The following DNAJB1 variants were observed in gnomAD, a reference collection of about 807,000 sequenced individuals.
DNAJB1 encodes DnaJ heat shock protein family (Hsp40) member B1, also known as dnaJ homolog subfamily B member 1.
In DNAJB1, 14 loss-of-function variants were observed where a neutral mutation model predicts 24.0. The ratio of observed to expected loss-of-function variants is 0.58; its 90% CI spans 0.39 to 0.91. DNAJB1 has a LOEUF of 0.91. Among genes scored for constraint, DNAJB1 ranks in the 40% least tolerant of loss-of-function variants. The pLI is 0.00. For synonymous variants in DNAJB1, 262 were observed against 174.4 expected (o/e 1.50, Z -3.96); for missense variants, 517 against 458.1 (o/e 1.13, Z -1.17).
At chr19:14,529,584 G>A (rs886959752), upstream of DNAJB1, 2 of 1,535,710 alleles carry the variant, frequency 1.3e-6, no homozygotes, top group Middle Eastern at 2.0e-4. Context: ...CGGGGCGGAC[G>A]CAGAGCCGCG....
upstream of DNAJB1, among the ~76,000 whole-genome samples, chr19:14,521,951 T>A (rs2146529325): frequency 6.6e-6 from 1 of 152,184 alleles, no homozygotes; most frequent in East Asian, 1.9e-4. Flanking sequence ...TTTTTTTTTT[T>A]AATCAGTTCT....
intron 1 of DNAJB1, among the ~76,000 whole-genome samples, chr19:14,538,452 G>A (rs2420532): frequency 0.02 from 2,979 of 152,224 alleles, 82 homozygotes; most frequent in African/African-American, 0.064. Context: ...CGTTAGGCAG[G>A]TAAGGACAGA....
intron 1 of DNAJB1, among the ~76,000 whole-genome samples, chr19:14,555,787 T>C (rs1437125160): frequency 6.6e-6 from 1 of 152,142 alleles, no homozygotes; most frequent in African/African-American, 2.4e-5. Flanking sequence ...AGCCTTGCTA[T>C]TTTGCCCAAG....
At chr19:14,528,093 A>G (rs1047545203) in intron 1 of DNAJB1, among the ~76,000 whole-genome samples, 1 of 151,842 alleles carries the variant, frequency 6.6e-6, no homozygotes, top group Non-Finnish European at 1.5e-5. Flanking sequence ...CACGTTGTCC[A>G]GGCTGGTCTT....
intron 1 of DNAJB1, 133 bp from the exon 2 acceptor site, chr19:14,517,179 C>T: frequency 1.2e-6 from 1 of 861,122 alleles, no homozygotes; most frequent in South Asian, 1.8e-5. Context: ...CAAGGAAGAA[C>T]CCCAAGTTTC....
chr19:14,540,723 T>C (rs1262605863), intron 1 of DNAJB1, among the ~76,000 whole-genome samples: 1 of 152,120 alleles, frequency 6.6e-6, no homozygotes, highest in East Asian at 1.9e-4. Context: ...GAGGCAAGGT[T>C]TCACCATGTT....
At chr19:14,539,687 T>G (rs2146570165) in intron 1 of DNAJB1, among the ~76,000 whole-genome samples, 1 of 152,208 alleles carries the variant, frequency 6.6e-6, no homozygotes, top group Admixed American at 6.5e-5. Context: ...GCACATGCTA[T>G]TCCCTCGGCC....
rs945885774 is a variant in DNAJB1, at chr19:14,537,861, T to A, written c.-213-10051A>T. Among the ~76,000 whole-genome samples, 47 of 151,026 alleles carry A rather than the reference T, an allele frequency of 3.1e-4. 1 individual carries two copies. The highest frequency in any genetic ancestry group is 1.1e-3 in the African/African-American group (45 of 41,202). ...CCCGGGTTCAGGCGATTCTCCTGCC[T>A]TAGTCTCCCGAGTAGCTGGGATTAC... On this transcript the variant is annotated intron_variant, in intron 1 of 3. Transcript: ENST00000676982.
intron 1 of DNAJB1, among the ~76,000 whole-genome samples, chr19:14,543,420 T>TATA (rs1491174243): frequency 1.8e-4 from 1 of 5,520 alleles, no homozygotes; most frequent in African/African-American, 5.0e-4. Context: ...TATATATATA[T>TATA]TTTTTTTTTT....
upstream of DNAJB1, among the ~76,000 whole-genome samples, chr19:14,520,237 G>T (rs1599383820): frequency 6.6e-6 from 1 of 152,254 alleles, no homozygotes; most frequent in Admixed American, 6.5e-5. Context: ...TTAGTGGTGG[G>T]CTCTTCAGCC....
intron 1 of DNAJB1, chr19:14,545,967 A>G (rs1446663186): frequency 6.6e-6 from 1 of 152,202 alleles, no homozygotes; most frequent in African/African-American, 2.4e-5. Context: ...TCTGGGCCAC[A>G]TAGAGCCCCC....
In DNAJB1 at chr19:14,515,710, G is replaced by A; in HGVS notation, c.*230C>T. 2.0e-6 allele frequency: 1 copy of A among 495,412 alleles called. No individual in the cohort carries two copies. Among genetic ancestry groups the A allele is most frequent in the Non-Finnish European group, 3.5e-6 (1 of 283,246 alleles). 30.7% of individuals were successfully genotyped at this position (495,412 alleles called of 1,614,324 possible). On this transcript the variant is annotated 3_prime_UTR_variant, in exon 3 of 3. Transcript: ENST00000254322. ...GCTGCCAGACCCAGTGGGGCAGACT[G>A]GAATGCCTTTTCCTGCTGTTCCCAC...
chr19:14,516,098 T>C lies in DNAJB1; in HGVS notation c.865A>G (p.Ile289Val). Residue 289 changes from isoleucine (I) to valine (V), a missense_variant, in exon 3 of 3, where the codon ATC (isoleucine) becomes GTC (valine). By Grantham distance (29) the Ile-to-Val change is conservative. Transcript: ENST00000254322. Reference protein sequence around the residue: ...RTIPVVFKDVIRPGMRRKVPG... With the variant: ...RTIPVVFKDVVRPGMRRKVPG... Reference sequence around the variant, plus strand: ...ACTTTTCGCCGCATGCCAGGCCTGATAACATCTTTGAATACGACGGGTATC... The same window carrying C: ...ACTTTTCGCCGCATGCCAGGCCTGACAACATCTTTGAATACGACGGGTATC... 6.2e-7 allele frequency: 1 copy of C among 1,613,842 alleles called. No homozygotes were observed. Among genetic ancestry groups the C allele is most frequent in the South Asian group, 1.1e-5 (1 of 91,068 alleles).
In DNAJB1 at chr19:14,544,312, G is replaced by A. The variant is rs118107174; in HGVS notation, c.-214+5896C>T. Among the ~76,000 whole-genome samples the A allele has an allele frequency of 8.6e-4, 131 of 152,188 alleles. 2 individuals are homozygous for A. The East Asian group carries it at 0.024, about 28-fold the overall frequency. ...TTGTGTAAGCCCCTGGCTCTCCCCT[G>A]TAACCCCTGGCCCTGGGGAGGGTCT... is the stretch of plus-strand genomic sequence containing the variant. On this transcript the variant is annotated intron_variant, in intron 1 of 3. Coordinates refer to the DNAJB1 transcript ENST00000676982.
chr19:14,550,712 G>C (rs890093375), upstream of DNAJB1, among the ~76,000 whole-genome samples: 4 of 152,116 alleles, frequency 2.6e-5, no homozygotes, highest in African/African-American at 7.2e-5. Flanking sequence ...ATGGAGTCTT[G>C]CTCTGTTGCA....
chr19:14,540,875 C>T (rs1282008651), intron 1 of DNAJB1, among the ~76,000 whole-genome samples: 3 of 152,102 alleles, frequency 2.0e-5, no homozygotes, highest in Non-Finnish European at 4.4e-5. Flanking sequence ...TTTGCTCTTG[C>T]CCAGGCTGGA....
chr19:14,545,566 G>A (rs777511492), intron 1 of DNAJB1, among the ~76,000 whole-genome samples: 1 of 152,172 alleles, frequency 6.6e-6, no homozygotes, highest in African/African-American at 2.4e-5. Flanking sequence ...CCCTTGGATC[G>A]CTGCCCGCAC....
chr19:14,529,668 C>T (rs781353464), upstream of DNAJB1: 84 of 1,613,634 alleles, frequency 5.2e-5, no homozygotes, highest in South Asian at 9.0e-4. Flanking sequence ...GCAGCAGCCG[C>T]GGAGCAGTAG....
At chr19:14,556,713 G>A (rs2073738639) in intron 1 of DNAJB1, among the ~76,000 whole-genome samples, 1 of 152,176 alleles carries the variant, frequency 6.6e-6, no homozygotes, top group African/African-American at 2.4e-5. Flanking sequence ...CCAGGGTTAA[G>A]GTCCCATTCT....
Sources: allele counts gnomAD v4.1 joint callset (sites outside exome capture counted in the v4.1 genomes callset), GRCh38; gene constraint gnomAD v4.1.1; transcripts MANE v1.5; gene names NCBI Gene and HGNC (gene_info 2026-07-23, HGNC 2026-07-21).